MAP9: variants seen among roughly 807,000 people sequenced by gnomAD.
MAP9 encodes the protein microtubule associated protein 9, also known as microtubule-associated protein 9.
Under a neutral mutation model 75.2 loss-of-function variants are expected in MAP9, and 80 were observed. The observed-to-expected ratio is 1.06, with a 90% confidence interval of 0.89 to 1.28. MAP9 has a LOEUF of 1.28. Ranked by LOEUF, MAP9 falls within the 50% of genes most tolerant of loss-of-function variation. The probability of loss-of-function intolerance (pLI) is 0.00; values close to 1 mark genes in which losing one functional copy is unlikely to be tolerated. For synonymous variants in MAP9, 235 were observed against 237.3 expected, an observed-to-expected ratio of 0.99 and a Z score of 0.09; for missense variants, 753 against 719.9, an observed-to-expected ratio of 1.05 and a Z score of -0.53.
rs776185344 is a variant in MAP9, at chr4:155,352,637, C to T, written c.1780G>A (p.Asp594Asn). ...TCATTAATAGCTTGTTTATCTTTAT[C>T]TTTTTTCTCAGCTCTTTTCAGTTCT... is the stretch of plus-strand genomic sequence containing the variant. ...KEELKRAEKK[D>N]KDKQAINEYE... Residue 594 changes from aspartate to asparagine, a missense_variant, in exon 13 of 14, where the codon GAT becomes AAT. Transcript: ENST00000311277. 2 of 1,544,684 alleles carry T rather than the reference C, an allele frequency of 1.3e-6. No individual in the cohort carries two copies. The highest frequency in any genetic ancestry group is 1.8e-6 in the Non-Finnish European group (2 of 1,131,492).
At chr4:155,357,558 C>T (rs750810785) in intron 7 of MAP9, 39 bp from the exon 8 acceptor site, 1 of 1,241,124 alleles carries the variant, frequency 8.1e-7, no homozygotes, top group South Asian at 1.2e-5. Flanking sequence ...TTATTCATGA[C>T]AACTATCCTT....
Position 155,368,827 on chromosome 4 carries a change from G to A in MAP9, c.482-15C>T, listed in dbSNP as rs2111268999. 1 of 1,583,498 alleles carries A rather than the reference G, an allele frequency of 6.3e-7. No individual in the cohort carries two copies. Among genetic ancestry groups the A allele is most frequent in the East Asian group, 2.2e-5 (1 of 44,622 alleles). ...GTTGTTTTCTGCTGAAAAATAAAAT[G>A]CTTAAAGTGTGTGTATAAAAAAATG... is the stretch of plus-strand genomic sequence containing the variant. On this transcript the variant is annotated splice_polypyrimidine_tract_variant and intron_variant, in intron 4 of 13. Transcript: ENST00000311277.
At chr4:155,375,696 G>T in intron 2 of MAP9, 80 bp downstream of exon 2, 1 of 849,268 alleles carries the variant, frequency 1.2e-6, no homozygotes, top group Non-Finnish European at 1.9e-6. Context: ...CTTTATATAG[G>T]ACTGTTCTAG....
intron 6 of MAP9, among the ~76,000 whole-genome samples, chr4:155,361,624 G>A (rs767715855): frequency 2.0e-5 from 3 of 151,950 alleles, no homozygotes; most frequent in Non-Finnish European, 4.4e-5. Flanking sequence ...GGGTCAGAAA[G>A]GTTAGTTACT....
intron 2 of MAP9, 70 bp downstream of exon 2, chr4:155,375,706 G>A: frequency 1.0e-6 from 1 of 988,492 alleles, no homozygotes; most frequent in Admixed American, 2.0e-5. Context: ...GACTGTTCTA[G>A]AATCACCAAT....
chr4:155,354,948 A>G (rs3775250), intron 10 of MAP9, 123 bp downstream of exon 10: 17,027 of 482,412 alleles, frequency 0.035, 932 homozygotes, highest in African/African-American at 0.17. Context: ...AAAACCGGAA[A>G]TCATTTCTTT....
chr4:155,360,485 G>A (rs2111233000), intron 6 of MAP9, 70 bp from the exon 7 acceptor site: 1 of 1,431,494 alleles, frequency 7.0e-7, no homozygotes, highest in Non-Finnish European at 9.4e-7. Flanking sequence ...TGATTCATTT[G>A]CTTTCTTTTA....
chr4:155,349,147 C>CGT (rs1731397714), intron 13 of MAP9, among the ~76,000 whole-genome samples: 1 of 152,070 alleles, frequency 6.6e-6, no homozygotes, highest in Non-Finnish European at 1.5e-5. Context: ...AGAAGCCACT[C>CGT]GTGATAAATA....
intron 1 of MAP9, chr4:155,376,567 G>C (rs1216776230): frequency 2.0e-5 from 3 of 152,532 alleles, no homozygotes; most frequent in African/African-American, 7.2e-5. Flanking sequence ...ACCAGGCCAG[G>C]TGACGTCCGG....
intron 4 of MAP9, among the ~76,000 whole-genome samples, chr4:155,370,257 C>T (rs948511474): frequency 7.2e-5 from 11 of 152,306 alleles, no homozygotes; most frequent in African/African-American, 2.2e-4. Flanking sequence ...CCACTCTTTC[C>T]TAGATCACTG....
chr4:155,360,440 T>C (rs926174392), intron 6 of MAP9, 25 bp from the exon 7 acceptor site: 7 of 1,589,290 alleles, frequency 4.4e-6, no homozygotes, highest in Non-Finnish European at 6.0e-6. Context: ...AGTAATAGCA[T>C]TAAAACCCCC....
intron 13 of MAP9, chr4:155,349,988 T>C (rs1359077295): frequency 1.3e-5 from 3 of 226,542 alleles, no homozygotes; most frequent in Admixed American, 1.1e-4. Flanking sequence ...AAAAAGTCCT[T>C]CAGACATTTA....
At chr4:155,369,643 T>G (rs549536849) in intron 4 of MAP9, among the ~76,000 whole-genome samples, 6 of 152,136 alleles carry the variant, frequency 3.9e-5, no homozygotes, top group Admixed American at 2.0e-4. Context: ...TAAACAAAAT[T>G]ACAAGACTAG....
chr4:155,350,440 C>G (rs1731463635), intron 13 of MAP9, among the ~76,000 whole-genome samples: 1 of 151,992 alleles, frequency 6.6e-6, no homozygotes, highest in Non-Finnish European at 1.5e-5. Flanking sequence ...TAATTAAAAA[C>G]AGTATACCTA....
At chr4:155,375,192 T>G (rs1262039869) in intron 2 of MAP9, among the ~76,000 whole-genome samples, 171 bp from the exon 3 acceptor site, 5 of 152,206 alleles carry the variant, frequency 3.3e-5, no homozygotes, top group Non-Finnish European at 5.9e-5. Context: ...ACTTTACGCC[T>G]CATACTCAAT....
intron 5 of MAP9, among the ~76,000 whole-genome samples, chr4:155,366,899 T>C (rs2111260828): frequency 6.6e-6 from 1 of 152,244 alleles, no homozygotes; most frequent in Middle Eastern, 3.4e-3. Context: ...CAAACTTTTA[T>C]AAAATGAAGA....
chr4:155,372,459 T>C (rs1392826250), intron 4 of MAP9, among the ~76,000 whole-genome samples: 2 of 152,172 alleles, frequency 1.3e-5, no homozygotes, highest in Non-Finnish European at 2.9e-5. Context: ...TTTCATTCTA[T>C]CTTTGTTCCT....
intron 5 of MAP9, chr4:155,362,587 A>G (rs1007839602): frequency 2.0e-5 from 3 of 152,500 alleles, no homozygotes; most frequent in Non-Finnish European, 2.9e-5. Context: ...AGCATTTAAT[A>G]AAATCAAGTA....
At chr4:155,366,231 T>C (rs148499374) in intron 5 of MAP9, among the ~76,000 whole-genome samples, 12,832 of 151,798 alleles carry the variant, frequency 0.085, 1,192 homozygotes, top group African/African-American at 0.23. Flanking sequence ...TGGTGGTGGG[T>C]GCCTGTAGTC....
Sources: allele counts gnomAD v4.1 joint callset (sites outside exome capture counted in the v4.1 genomes callset), GRCh38; gene constraint gnomAD v4.1.1; transcripts MANE v1.5; gene names NCBI Gene and HGNC (gene_info 2026-07-23, HGNC 2026-07-21).